The following LRBA variants were observed in gnomAD, a reference collection of about 807,000 sequenced individuals.
LRBA encodes the protein LPS responsive beige-like anchor protein, also known as lipopolysaccharide-responsive and beige-like anchor protein.
Under a neutral mutation model 330.0 loss-of-function variants are expected in LRBA, and 176 were observed. The observed-to-expected ratio is 0.53, with a 90% CI of 0.47 to 0.60. The LOEUF is 0.60. LRBA is among the 20% of genes least tolerant of loss of function. LRBA has a pLI of 0.00. For missense variants in LRBA, 3,259 were observed against 3,444.8 expected (o/e 0.95, Z 1.35); for synonymous variants, 1,230 against 1,193.0 (o/e 1.03, Z -0.64).
intron 40 of LRBA, among the ~76,000 whole-genome samples, chr4:150,504,281 C>A (rs1370761298): frequency 3.3e-5 from 5 of 152,170 alleles, no homozygotes; most frequent in South Asian, 2.1e-4. Context: ...ACTCCAAGAC[C>A]CATAATTTTC....
chr4:150,856,525 T>A (rs910371775), intron 22 of LRBA, among the ~76,000 whole-genome samples: 1 of 152,226 alleles, frequency 6.6e-6, no homozygotes, highest in African/African-American at 2.4e-5. Context: ...CATACTTGAT[T>A]AATAGTCAGA....
In LRBA at chr4:150,553,127, T is replaced by C. The variant is rs543046804; in HGVS notation, c.6330+34921A>G. 5.3e-5 allele frequency among the ~76,000 whole-genome samples: 8 copies of C among 151,710 alleles called. No homozygotes were observed. The South Asian group carries it at 1.3e-3, about 24-fold the overall frequency. Reference sequence around the variant, plus strand: ...TGTGGCACATATACACTATGGAATATTATGCAGTCATAAAAAAGGATGAGT... The same window carrying C: ...TGTGGCACATATACACTATGGAATACTATGCAGTCATAAAAAAGGATGAGT... On this transcript the variant is annotated intron_variant, in intron 40 of 56. Coordinates refer to ENST00000651943, the MANE Select transcript of LRBA (RefSeq NM_001364905.1).
intron 40 of LRBA, among the ~76,000 whole-genome samples, chr4:150,499,025 T>C (rs1455362341): frequency 4.6e-5 from 7 of 152,180 alleles, no homozygotes; most frequent in African/African-American, 1.4e-4. Context: ...ATATAACTTA[T>C]ACATTCATTT....
rs551753640 is a variant in LRBA, at chr4:150,505,817, A to G, written c.6331-14782T>C. Reference sequence around the variant, plus strand: ...GTTGGTTTTTTGAAAAGATCAACAAAATTATTAGACCACTAGCAAGAATAA... The same window carrying G: ...GTTGGTTTTTTGAAAAGATCAACAAGATTATTAGACCACTAGCAAGAATAA... On this transcript the variant is annotated intron_variant, in intron 40 of 56. Coordinates refer to ENST00000651943, the MANE Select transcript of LRBA (RefSeq NM_001364905.1). Among the ~76,000 whole-genome samples the G allele has an allele frequency of 3.3e-5, 5 of 152,316 alleles. No individual in the cohort carries two copies. The South Asian group carries it at 1.0e-3, about 32-fold the overall frequency.
intron 40 of LRBA, among the ~76,000 whole-genome samples, chr4:150,510,575 G>A (rs1184793477): frequency 6.6e-6 from 1 of 151,988 alleles, no homozygotes; most frequent in Non-Finnish European, 1.5e-5. Context: ...TCTTTCTCTC[G>A]GATTTCTCAA....
intron 40 of LRBA, among the ~76,000 whole-genome samples, chr4:150,514,924 T>C (rs908984445): frequency 2.0e-5 from 3 of 152,098 alleles, no homozygotes; most frequent in Admixed American, 1.3e-4. Context: ...GGAGGCAACA[T>C]TGCATTAGGT....
chr4:150,874,642 C>T (rs1041158022), intron 17 of LRBA, among the ~76,000 whole-genome samples: 2 of 152,138 alleles, frequency 1.3e-5, no homozygotes, highest in African/African-American at 4.8e-5. Flanking sequence ...AGCCTGCTAC[C>T]CTGACACTGT....
In LRBA at chr4:150,339,695, A is replaced by G. The variant is rs535500443; in HGVS notation, c.7362+10297T>C. ...TATATGTTCCATAACATTGTCTATT[A>G]TTCACTGTAATATGGCAAAATATTC... On this transcript the variant is annotated intron_variant, in intron 48 of 56. Coordinates refer to ENST00000651943, the MANE Select transcript of LRBA (RefSeq NM_001364905.1). Among the ~76,000 whole-genome samples the G allele has an allele frequency of 2.0e-5, 3 of 152,244 alleles. No homozygotes were observed. In the South Asian group the frequency reaches 6.2e-4, roughly 32 times the overall value.
At chr4:150,639,760 T>C (rs1257416095) in intron 37 of LRBA, among the ~76,000 whole-genome samples, 1 of 3,990 alleles carries the variant, frequency 2.5e-4, no homozygotes, top group Non-Finnish European at 6.1e-4. Flanking sequence ...TATATATATA[T>C]ATATATATAT....
chr4:150,805,282 G>A (rs1299167103), intron 33 of LRBA, among the ~76,000 whole-genome samples: 1 of 100,282 alleles, frequency 1.0e-5, no homozygotes, highest in Non-Finnish European at 1.9e-5. Context: ...GGAAAGGAAA[G>A]GAGAAGGAAA....
intron 37 of LRBA, among the ~76,000 whole-genome samples, chr4:150,620,736 A>G (rs1179852392): frequency 2.0e-5 from 3 of 152,214 alleles, no homozygotes; most frequent in African/African-American, 4.8e-5. Context: ...ATTCTCACTT[A>G]TAAGTGGGAG....
chr4:150,818,202 T>C (rs1744876608), intron 30 of LRBA, among the ~76,000 whole-genome samples: 1 of 152,114 alleles, frequency 6.6e-6, no homozygotes, highest in Non-Finnish European at 1.5e-5. Context: ...ATTATGTAAT[T>C]CCAATATTTT....
intron 2 of LRBA, among the ~76,000 whole-genome samples, chr4:150,940,787 T>C (rs1418303268): frequency 6.6e-6 from 1 of 152,134 alleles, no homozygotes; most frequent in Non-Finnish European, 1.5e-5. Flanking sequence ...TTCTATTTGT[T>C]GTTATTTTTC....
chr4:150,823,152 T>G (rs980926320), intron 30 of LRBA, among the ~76,000 whole-genome samples: 1 of 152,198 alleles, frequency 6.6e-6, no homozygotes, highest in African/African-American at 2.4e-5. Context: ...TTGTTTTGAT[T>G]TGCATTTTTC....
intron 2 of LRBA, among the ~76,000 whole-genome samples, chr4:150,952,714 A>G (rs553452800): frequency 2.6e-5 from 4 of 151,982 alleles, no homozygotes; most frequent in African/African-American, 7.2e-5. Flanking sequence ...TGGTATCTGC[A>G]TATCTCTTCT....
chr4:150,315,974 A>AT (rs1215752841), intron 50 of LRBA, among the ~76,000 whole-genome samples: 1 of 152,112 alleles, frequency 6.6e-6, no homozygotes, highest in Non-Finnish European at 1.5e-5. Context: ...AGCAAATACT[A>AT]TTTTTTTGTT....
intron 36 of LRBA, among the ~76,000 whole-genome samples, chr4:150,692,196 T>C (rs971113125): frequency 6.6e-6 from 1 of 151,034 alleles, no homozygotes; most frequent in Non-Finnish European, 1.5e-5. Flanking sequence ...ATAAAGTTTA[T>C]TTAAGAAGTG....
chr4:150,645,934 T>G (rs1361108502), intron 37 of LRBA, among the ~76,000 whole-genome samples: 2 of 127,562 alleles, frequency 1.6e-5, no homozygotes, highest in African/African-American at 5.9e-5. Context: ...GAAAACCCAT[T>G]ACAGAAAATT....
At chr4:150,590,576 G>T (rs1302146975) in intron 39 of LRBA, 137 bp downstream of exon 39, 1 of 660,824 alleles carries the variant, frequency 1.5e-6, no homozygotes, top group Non-Finnish European at 2.6e-6. Flanking sequence ...AGAAGGGGGG[G>T]AAGTATTTGA....
Sources: gnomAD v4.1 joint callset for allele counts (sites outside exome capture counted in the v4.1 genomes callset) on GRCh38, gnomAD v4.1.1 for gene constraint, MANE v1.5 for transcripts, NCBI Gene and HGNC (gene_info 2026-07-23, HGNC 2026-07-21) for gene names.